The following PIP5K1B variants were observed in gnomAD, a reference collection of about 807,000 sequenced individuals.
PIP5K1B encodes phosphatidylinositol 4-phosphate 5-kinase type-1 beta.
In PIP5K1B, 42 loss-of-function variants were observed where a neutral mutation model predicts 67.0. The observed-to-expected ratio is 0.63, with a 90% CI of 0.49 to 0.81. The LOEUF (loss-of-function observed/expected upper bound fraction) is 0.81, where lower values mean the gene tolerates loss of function less well. PIP5K1B is among the 30% of genes least tolerant of loss of function. The pLI is 0.00. For missense variants in PIP5K1B, 459 were observed against 646.3 expected (o/e 0.71, Z 3.14); for synonymous variants, 214 against 231.4 (o/e 0.92, Z 0.68).
At chr9:68,837,604 T>C (rs190461882) in intron 4 of PIP5K1B, among the ~76,000 whole-genome samples, 60 of 62,694 alleles carry the variant, frequency 9.6e-4, no homozygotes, top group African/African-American at 3.3e-3. Context: ...TTCCTTACTT[T>C]GTGTTTTTTT....
At chr9:68,907,241 T>C (rs147890565) in intron 8 of PIP5K1B, among the ~76,000 whole-genome samples, 170 of 152,222 alleles carry the variant, frequency 1.1e-3, no homozygotes, top group Non-Finnish European at 1.6e-3. Flanking sequence ...GTGAGCACCA[T>C]TGGAAACATA....
At chr9:68,786,647 G>A (rs953866239) in intron 2 of PIP5K1B, among the ~76,000 whole-genome samples, 1 of 151,798 alleles carries the variant, frequency 6.6e-6, no homozygotes, top group Non-Finnish European at 1.5e-5. Context: ...TTAGTAATAG[G>A]CAAGAAATTA....
rs1831297777 is a variant in PIP5K1B at position 68,781,739 on chromosome 9, T to G, written c.-85-36722T>G. 4.8e-5 allele frequency: 8 copies of G among 166,816 alleles called. No individual in the cohort carries two copies. The South Asian group carries it at 1.7e-3, about 35-fold the overall frequency. The allele number at this position is 166,816 out of a possible 1,614,324, so 10.3% of individuals were successfully genotyped here. On this transcript the variant is annotated intron_variant, in intron 2 of 15. Coordinates refer to ENST00000265382, the MANE Select transcript of PIP5K1B (RefSeq NM_003558.4). ...TATAACTACTATAGAGAAAATAAAA[T>G]TTTTTCCTTTTTTTTTTTAACCGGA...
At chr9:68,745,838 C>T (rs951199499) in intron 2 of PIP5K1B, among the ~76,000 whole-genome samples, 4 of 152,166 alleles carry the variant, frequency 2.6e-5, no homozygotes, top group Non-Finnish European at 5.9e-5. Flanking sequence ...TTATTTCCCT[C>T]ACAGTACATC....
intron 2 of PIP5K1B, among the ~76,000 whole-genome samples, chr9:68,792,632 C>T (rs1288961885): frequency 6.6e-6 from 1 of 152,120 alleles, no homozygotes; most frequent in Non-Finnish European, 1.5e-5. Flanking sequence ...GCACCCGCCA[C>T]CATGCCTGGC....
chr9:68,752,828 GA>G (rs1236657664), intron 2 of PIP5K1B, among the ~76,000 whole-genome samples: 1 of 152,182 alleles, frequency 6.6e-6, no homozygotes, highest in Admixed American at 6.5e-5. Flanking sequence ...ATATGGTGCA[GA>G]TATTTCCTTC....
chr9:68,851,110 C>T (rs1196696763), intron 4 of PIP5K1B, among the ~76,000 whole-genome samples: 3 of 152,162 alleles, frequency 2.0e-5, no homozygotes, highest in Non-Finnish European at 4.4e-5. Flanking sequence ...ACTTAACATG[C>T]TCTTCCTTTC....
chr9:68,978,873 G>A (rs112751109), intron 14 of PIP5K1B, among the ~76,000 whole-genome samples: 58 of 152,214 alleles, frequency 3.8e-4, no homozygotes, highest in African/African-American at 1.3e-3. Context: ...GACCCGAAGG[G>A]CTTTTCTCCT....
At chr9:68,859,560 C>T (rs984000976) in intron 4 of PIP5K1B, among the ~76,000 whole-genome samples, 31 of 152,186 alleles carry the variant, frequency 2.0e-4, no homozygotes, top group African/African-American at 7.5e-4. Context: ...CCTGTCCTAG[C>T]ACTTTTAGAG....
At chr9:68,934,822 C>A in intron 12 of PIP5K1B, 68 bp from the exon 13 acceptor site, 1 of 1,110,066 alleles carries the variant, frequency 9.0e-7, no homozygotes, top group Non-Finnish European at 1.2e-6. Context: ...AAAATATTCA[C>A]TTTTAAATAA....
At chr9:68,999,563 T>C (rs1400934834) in intron 15 of PIP5K1B, among the ~76,000 whole-genome samples, 1 of 152,154 alleles carries the variant, frequency 6.6e-6, no homozygotes, top group Admixed American at 6.5e-5. Context: ...GACTGAGGCA[T>C]TGGTATTTTT....
rs183299804 is a variant in PIP5K1B, at chr9:68,822,885, A to G, written c.69+202A>G. ...TAGTTCAGTGAGTCAGAAGCCTGAC[A>G]TGGGTCTCCCTGGGCTGAGATCCAT... On this transcript the variant is annotated intron_variant, in intron 4 of 15. Coordinates refer to ENST00000265382, the MANE Select transcript of PIP5K1B (RefSeq NM_003558.4). 2.9e-3 allele frequency among the ~76,000 whole-genome samples: 442 copies of G among 152,336 alleles called. 1 individual carries two copies. Among genetic ancestry groups the G allele is most frequent in the Non-Finnish European group, 5.4e-3 (369 of 68,026 alleles).
chr9:68,972,806 T>A (rs1465763297), intron 14 of PIP5K1B, among the ~76,000 whole-genome samples: 2 of 152,160 alleles, frequency 1.3e-5, no homozygotes, highest in East Asian at 3.8e-4. Flanking sequence ...TCAACAATAA[T>A]ACTAATAACT....
At chr9:68,756,062 C>T (rs1321503378) in intron 2 of PIP5K1B, among the ~76,000 whole-genome samples, 1 of 152,162 alleles carries the variant, frequency 6.6e-6, no homozygotes, top group African/African-American at 2.4e-5. Flanking sequence ...TCCTGTTGTG[C>T]ACAAAGAATC....
intron 8 of PIP5K1B, among the ~76,000 whole-genome samples, chr9:68,906,119 A>G (rs1402982147): frequency 6.6e-6 from 1 of 152,150 alleles, no homozygotes; most frequent in Non-Finnish European, 1.5e-5. Flanking sequence ...CCTGGGCTCA[A>G]GCGATCCTCC....
intron 1 of PIP5K1B, among the ~76,000 whole-genome samples, chr9:68,715,880 G>A (rs1415463837): frequency 6.6e-6 from 1 of 152,176 alleles, no homozygotes. Context: ...TTCTATAATG[G>A]TAGCTGCAGG....
At chr9:68,728,882 T>C (rs553434126) in intron 1 of PIP5K1B, 1 of 152,276 alleles carries the variant, frequency 6.6e-6, no homozygotes, top group Non-Finnish European at 1.5e-5. Context: ...TGAGAGTGTT[T>C]TGCTAATCAG....
At chr9:68,986,162 A>G (rs1216587949) in intron 14 of PIP5K1B, among the ~76,000 whole-genome samples, 2 of 152,338 alleles carry the variant, frequency 1.3e-5, no homozygotes, top group East Asian at 1.9e-4. Context: ...CAGACCAAAC[A>G]GTTTTCTGAA....
At chr9:68,910,575 C>A (rs1030016661) in intron 8 of PIP5K1B, among the ~76,000 whole-genome samples, 1 of 152,144 alleles carries the variant, frequency 6.6e-6, no homozygotes, top group Non-Finnish European at 1.5e-5. Context: ...GAGCACACAG[C>A]AAAATGCACT....
Sources: allele counts gnomAD v4.1 joint callset (sites outside exome capture counted in the v4.1 genomes callset), GRCh38; gene constraint gnomAD v4.1.1; transcripts MANE v1.5; gene names NCBI Gene and HGNC (gene_info 2026-07-23, HGNC 2026-07-21).